Variants in PPP4R4 observed in about 807,000 individuals in gnomAD.
The protein encoded by PPP4R4 is protein phosphatase 4 regulatory subunit 4.
Under a neutral mutation model 121.8 loss-of-function variants are expected in PPP4R4, and 70 were observed. The observed-to-expected ratio is 0.57, with a 90% CI of 0.47 to 0.70. The LOEUF is 0.70. Ranked by LOEUF, PPP4R4 falls within the 30% of genes least tolerant of loss-of-function variation. The pLI is 0.00. For missense variants in PPP4R4, 875 were observed against 1,033.6 expected, an observed-to-expected ratio of 0.85 and a Z score of 2.10; for synonymous variants, 348 against 355.7, an observed-to-expected ratio of 0.98 and a Z score of 0.24.
In PPP4R4 at chr14:94,176,183, T is replaced by G. The variant is rs569052357; in HGVS notation, c.191+56T>G. 131 of 1,385,506 alleles carry G rather than the reference T, an allele frequency of 9.5e-5. No individual in the cohort carries two copies. In the East Asian group the frequency reaches 2.5e-3, roughly 26 times the overall value. The allele number at this position is 1,385,506 out of a possible 1,614,324, so 85.8% of individuals were successfully genotyped here. ...TTCTTTTTTCCCTGTGCAGCAGAGATGAATGCTTTCTAAAATGTATGTTCG... is the reference window on the plus strand; with the variant it reads ...TTCTTTTTTCCCTGTGCAGCAGAGAGGAATGCTTTCTAAAATGTATGTTCG... On this transcript the variant is annotated intron_variant, in intron 2 of 24. Coordinates refer to ENST00000304338, the MANE Select transcript of PPP4R4 (RefSeq NM_058237.2).
At chr14:94,191,910 A>T (rs1200474975) in intron 2 of PPP4R4, among the ~76,000 whole-genome samples, 1 of 152,136 alleles carries the variant, frequency 6.6e-6, no homozygotes, top group Non-Finnish European at 1.5e-5. Context: ...TGATGGCTAT[A>T]GGCTATGGAC....
rs760720163 is a variant in PPP4R4 at position 94,230,688 on chromosome 14, C to T, written c.396C>T (p.His132=). The T allele has an allele frequency of 8.1e-6, 13 of 1,613,572 alleles. No individual in the cohort carries two copies. Among genetic ancestry groups the T allele is most frequent in the Non-Finnish European group, 9.3e-6 (11 of 1,179,452 alleles). The part of the protein sequence containing the change: ...DESVSIHAYT[H]SFLQVILLHL... The stretch of plus-strand genomic sequence containing the variant: ...CAGTGTCAATTCATGCATATACCCA[C>T]TCATTCCTCCAAGTCATTCTCCTGC... Residue 132 remains histidine, a synonymous_variant, in exon 4 of 25, where the codon CAC becomes CAT. Transcript: ENST00000304338.
intron 23 of PPP4R4, among the ~76,000 whole-genome samples, chr14:94,271,562 G>A (rs1000162767): frequency 1.3e-5 from 2 of 152,190 alleles, no homozygotes; most frequent in African/African-American, 4.8e-5. Context: ...TCACAGTAGT[G>A]AGGAACCAGA....
At chr14:94,237,734 C>T in intron 8 of PPP4R4, 48 bp downstream of exon 8, 4 of 1,579,686 alleles carry the variant, frequency 2.5e-6, no homozygotes, top group Non-Finnish European at 2.6e-6. Context: ...TGTTTTTCTA[C>T]ATGTTTTATG....
intron 17 of PPP4R4, 81 bp downstream of exon 17, chr14:94,256,685 G>A: frequency 7.7e-7 from 1 of 1,297,586 alleles, no homozygotes; most frequent in African/African-American, 1.5e-5. Flanking sequence ...CAGCTTGACA[G>A]GATAGCAATA....
chr14:94,175,791 G>A, intron 1 of PPP4R4: 1 of 481,366 alleles, frequency 2.1e-6, no homozygotes, highest in South Asian at 3.6e-5. Context: ...AAGCCACGAT[G>A]TGATTTTCAA....
chr14:94,202,554 G>A (rs1030574470), intron 2 of PPP4R4, among the ~76,000 whole-genome samples: 8 of 152,180 alleles, frequency 5.3e-5, no homozygotes, highest in Non-Finnish European at 1.5e-5. Flanking sequence ...TCTGGTTGAA[G>A]AAGTTCCCTT....
chr14:94,255,647 C>T (rs2139612361), intron 16 of PPP4R4, among the ~76,000 whole-genome samples: 1 of 152,112 alleles, frequency 6.6e-6, no homozygotes, highest in African/African-American at 2.4e-5. Context: ...TTCTCACCAC[C>T]TTTTACTGCT....
Position 94,265,877 on chromosome 14 carries a change from A to C in PPP4R4, c.2368A>C (p.Lys790Gln). ...TCATGCAAAATATGGCAACTTAGAGAAATGTGCTAGGTACGATCTGTAAGC... is the reference window on the plus strand; with the variant it reads ...TCATGCAAAATATGGCAACTTAGAGCAATGTGCTAGGTACGATCTGTAAGC... ...AFHAKYGNLE[K>Q]CASKSSTTGY... Residue 790 changes from lysine (K) to glutamine (Q), a missense_variant, in exon 22 of 25, where the codon AAA becomes CAA. By Grantham distance (53) the Lys-to-Gln change is moderately conservative. Coordinates refer to ENST00000304338, the MANE Select transcript of PPP4R4 (RefSeq NM_058237.2). 6.3e-7 allele frequency: 1 copy of C among 1,591,312 alleles called. No homozygotes were observed. The highest frequency in any genetic ancestry group is 8.6e-7 in the Non-Finnish European group (1 of 1,160,674).
chr14:94,204,247 T>A (rs931803159), intron 2 of PPP4R4, among the ~76,000 whole-genome samples: 1 of 152,120 alleles, frequency 6.6e-6, no homozygotes, highest in African/African-American at 2.4e-5. Flanking sequence ...TTTGAGTTAG[T>A]GTGAGGCATA....
Position 94,258,800 on chromosome 14 carries a change from C to T in PPP4R4, c.2028C>T (p.Asp676=). The part of the protein sequence containing the change: ...AIVKRTVLEL[D]RMEMSMDAFQ... ...CCTTATAGACTGTATTAGAGTTGGA[C>T]AGAATGGAAATGTCTATGGATGCTG... is the stretch of plus-strand genomic sequence containing the variant. The change falls in exon 18 of 25, where the codon GAC becomes GAT. Residue 676 remains aspartate, a synonymous_variant. Coordinates refer to ENST00000304338, the MANE Select transcript of PPP4R4 (RefSeq NM_058237.2). 1 of 1,582,946 alleles carries T rather than the reference C, an allele frequency of 6.3e-7. No homozygotes were observed. The highest frequency in any genetic ancestry group is 8.7e-7 in the Non-Finnish European group (1 of 1,152,502).
At position 94,246,555 on chromosome 14, in the gene PPP4R4, T is replaced by G. The variant is rs1595520926; in HGVS notation, c.1611+16T>G. The G allele has an allele frequency of 3.1e-6, 5 of 1,587,918 alleles. No homozygotes were observed. The highest frequency in any genetic ancestry group is 4.3e-6 in the Non-Finnish European group (5 of 1,165,922). ...GATGACAAATGTGAGCTCAGTACCTTTCATCTTATTCTTTTGAACTCATGG... is the reference window on the plus strand; with the variant it reads ...GATGACAAATGTGAGCTCAGTACCTGTCATCTTATTCTTTTGAACTCATGG... On this transcript the variant is annotated intron_variant, in intron 14 of 24. Transcript: ENST00000304338.
At chr14:94,276,523 A>T (rs952756466) in intron 24 of PPP4R4, among the ~76,000 whole-genome samples, 16 of 152,174 alleles carry the variant, frequency 1.1e-4, no homozygotes, top group Non-Finnish European at 2.1e-4. Flanking sequence ...GAGCAGGCAC[A>T]TCACATGGTA....
intron 3 of PPP4R4, among the ~76,000 whole-genome samples, chr14:94,209,083 T>G (rs1488494226): frequency 6.6e-6 from 1 of 151,952 alleles, no homozygotes; most frequent in African/African-American, 2.4e-5. Context: ...CAAAAATGTT[T>G]GATCTATTAC....
At chr14:94,179,140 A>C (rs1567100225) in intron 2 of PPP4R4, among the ~76,000 whole-genome samples, 1 of 152,226 alleles carries the variant, frequency 6.6e-6, no homozygotes, top group African/African-American at 2.4e-5. Context: ...GTATATTCAC[A>C]GAATTGTGCA....
At position 94,246,378 on chromosome 14, in the gene PPP4R4, A is replaced by G. The variant is rs566484391; in HGVS notation, c.1450A>G (p.Ile484Val). ...ENKLSSLPDL[I>V]PALTAAEQRA... ...TCAGTTATCTTCTCTGCCTGACTTGATTCCAGCACTCACAGCTGCTGAACA... is the reference window on the plus strand; with the variant it reads ...TCAGTTATCTTCTCTGCCTGACTTGGTTCCAGCACTCACAGCTGCTGAACA... The change falls in exon 14 of 25, where the codon ATT becomes GTT. Residue 484 changes from isoleucine (I) to valine (V), a missense_variant. Ile to Val is a conservative substitution (Grantham distance 29, BLOSUM62 3). Coordinates refer to ENST00000304338, the MANE Select transcript of PPP4R4 (RefSeq NM_058237.2). 6.2e-7 allele frequency: 1 copy of G among 1,604,034 alleles called. No homozygotes were observed. Among genetic ancestry groups the G allele is most frequent in the South Asian group, 1.1e-5 (1 of 88,898 alleles).
intron 3 of PPP4R4, among the ~76,000 whole-genome samples, chr14:94,219,339 T>G (rs1014135357): frequency 6.6e-6 from 1 of 152,110 alleles, no homozygotes; most frequent in Non-Finnish European, 1.5e-5. Flanking sequence ...GTGCTGGGAT[T>G]ACAGATGTGA....
intron 9 of PPP4R4, 145 bp downstream of exon 9, chr14:94,240,940 A>G: frequency 9.2e-7 from 1 of 1,084,420 alleles, no homozygotes; most frequent in Non-Finnish European, 1.2e-6. Flanking sequence ...GAATTTTGAT[A>G]GCATCATTTA....
At chr14:94,232,877 T>C (rs993560272) in intron 5 of PPP4R4, among the ~76,000 whole-genome samples, 2 of 151,960 alleles carry the variant, frequency 1.3e-5, no homozygotes, top group Non-Finnish European at 2.9e-5. Context: ...GCTAACACGG[T>C]GAAACCCCGT....
Sources: allele counts gnomAD v4.1 joint callset (sites outside exome capture counted in the v4.1 genomes callset), GRCh38; gene constraint gnomAD v4.1.1; transcripts MANE v1.5; gene names NCBI Gene and HGNC (gene_info 2026-07-23, HGNC 2026-07-21).